Variants in ANKRD11 observed in about 807,000 individuals in gnomAD.
ANKRD11 encodes the protein ankyrin repeat domain-containing protein 11.
In ANKRD11, 17 loss-of-function variants were observed where a neutral mutation model predicts 195.7. That is an observed-to-expected ratio of 0.09 (90% CI 0.06 to 0.13). The LOEUF (loss-of-function observed/expected upper bound fraction) is 0.13. ANKRD11 is among the 10% of genes least tolerant of loss of function. The probability of loss-of-function intolerance (pLI) is 1.00; values close to 1 mark genes in which losing one functional copy is unlikely to be tolerated. For missense variants in ANKRD11, 3,735 were observed against 3,566.1 expected, an observed-to-expected ratio of 1.05 and a Z score of -1.21; for synonymous variants, 1,953 against 1,528.1, an observed-to-expected ratio of 1.28 and a Z score of -6.49.
At position 89,279,999 on chromosome 16, in the gene ANKRD11, G is replaced by T. The variant is rs766007820; in HGVS notation, c.6543C>A (p.Thr2181=). Residue 2181 remains threonine, a synonymous_variant, in exon 9 of 13, where the codon ACC becomes ACA. Transcript: ENST00000301030. This position sits in a 1 kb window ranked among gnomAD's most constrained non-coding sequence, Gnocchi z 5.6. ...GTGCCGGCGGCTCCTCAGCCACTAC[G>T]GTGGAAACATCCCCACCGTTTATGA... ...PGVINGGDVS[T]VVAEEPPALP... 1.2e-6 allele frequency: 2 copies of T among 1,612,180 alleles called. No homozygotes were observed. The highest frequency in any genetic ancestry group is 1.1e-5 in the South Asian group (1 of 91,076).
intron 4 of ANKRD11, chr16:89,300,770 C>T (rs2035803191): frequency 4.6e-6 from 3 of 649,482 alleles, no homozygotes; most frequent in African/African-American, 1.8e-5. Context: ...TGCCTGGCAG[C>T]ACTGCAGAGA....
intron 2 of ANKRD11, among the ~76,000 whole-genome samples, chr16:89,331,811 G>C (rs936604146): frequency 6.6e-6 from 1 of 152,162 alleles, no homozygotes; most frequent in African/African-American, 2.4e-5. Context: ...TTTTCATTTA[G>C]TCTAAGATAC....
rs759416890 is a variant in ANKRD11 at position 89,281,934 on chromosome 16, G to A, written c.4608C>T (p.Asp1536=). 1.4e-5 allele frequency: 23 copies of A among 1,612,800 alleles called. No homozygotes were observed. The highest frequency in any genetic ancestry group is 8.3e-5 in the Admixed American group (5 of 59,996). ...GGTCGCCCTTTTCTTTCTCTGCACC[G>A]TCCTTGAATTTCTCCTTCAGTTTGG... The part of the protein sequence containing the change: ...GDAKLKEKFK[D]GAEKEKGDPV... The change falls in exon 9 of 13, where the codon GAC becomes GAT. Residue 1536 remains aspartate (D), a synonymous_variant. Transcript: ENST00000301030. This position sits in a 1 kb window ranked among gnomAD's most constrained non-coding sequence, Gnocchi z 5.5.
intron 4 of ANKRD11, among the ~76,000 whole-genome samples, chr16:89,296,952 G>A (rs2035476865): frequency 1.3e-5 from 2 of 152,174 alleles, no homozygotes; most frequent in South Asian, 4.1e-4. Context: ...CCTCTTAGCT[G>A]GGGGGACAGT....
At chr16:89,328,108 G>A (rs774202450) in intron 2 of ANKRD11, among the ~76,000 whole-genome samples, 16 of 152,072 alleles carry the variant, frequency 1.1e-4, no homozygotes, top group Non-Finnish European at 4.4e-5. Context: ...GAAGGCACTC[G>A]ACATCCTAAG....
intron 11 of ANKRD11, chr16:89,272,882 G>A (rs1371497179): frequency 6.6e-6 from 1 of 152,170 alleles, no homozygotes; most frequent in African/African-American, 2.4e-5. Flanking sequence ...ATGATGTTAA[G>A]TGAAATAAGC....
At chr16:89,273,581 C>A (rs1025302948) in intron 11 of ANKRD11, among the ~76,000 whole-genome samples, 10 of 152,148 alleles carry the variant, frequency 6.6e-5, no homozygotes, top group African/African-American at 2.4e-4. Context: ...CCTGTGATCC[C>A]AGCTACTCGG....
intron 1 of ANKRD11, among the ~76,000 whole-genome samples, chr16:89,455,755 G>A (rs1212291662): frequency 6.6e-6 from 1 of 152,090 alleles, no homozygotes; most frequent in Non-Finnish European, 1.5e-5. Flanking sequence ...AAAGAATTGG[G>A]GCTGTACATT....
intron 1 of ANKRD11, among the ~76,000 whole-genome samples, chr16:89,424,430 A>G (rs191122864): frequency 1.5e-3 from 204 of 134,040 alleles, no homozygotes; most frequent in Admixed American, 5.9e-3. Flanking sequence ...GACAAGAGCA[A>G]AACTCTGTCT....
chr16:89,417,885 G>A (rs1284385457), intron 2 of ANKRD11, among the ~76,000 whole-genome samples: 1 of 152,186 alleles, frequency 6.6e-6, no homozygotes, highest in Non-Finnish European at 1.5e-5. Flanking sequence ...CCAGGATACA[G>A]AATCCTCACG....
chr16:89,467,581 G>C (rs1340037511), intron 1 of ANKRD11, among the ~76,000 whole-genome samples: 1 of 152,038 alleles, frequency 6.6e-6, no homozygotes, highest in Non-Finnish European at 1.5e-5. Flanking sequence ...GCCCAGGCTG[G>C]TCTTGAGCTC....
At chr16:89,431,708 C>G (rs866011203) in intron 1 of ANKRD11, among the ~76,000 whole-genome samples, 4 of 152,264 alleles carry the variant, frequency 2.6e-5, no homozygotes, top group South Asian at 4.1e-4. Context: ...CTGGCTTTAA[C>G]GACGTGCTGC....
At chr16:89,274,719 G>C (rs1401848123) in intron 11 of ANKRD11, 95 bp downstream of exon 11, 14 of 1,565,172 alleles carry the variant, frequency 8.9e-6, no homozygotes, top group Non-Finnish European at 1.2e-5. Flanking sequence ...CACCCGGGAA[G>C]CTCCTGGTCA....
At chr16:89,343,232 A>G (rs1164887901) in intron 2 of ANKRD11, among the ~76,000 whole-genome samples, 1 of 152,046 alleles carries the variant, frequency 6.6e-6, no homozygotes, top group African/African-American at 2.4e-5. Flanking sequence ...CTCAAGAGTG[A>G]TCCACCCAGC....
chr16:89,334,903 C>A (rs2038268032), intron 2 of ANKRD11, among the ~76,000 whole-genome samples: 1 of 152,108 alleles, frequency 6.6e-6, no homozygotes, highest in African/African-American at 2.4e-5. Flanking sequence ...CTGTGGCCTT[C>A]TGCATGCATG....
chr16:89,379,984 C>T (rs1238834476), intron 2 of ANKRD11, among the ~76,000 whole-genome samples: 1 of 152,222 alleles, frequency 6.6e-6, no homozygotes, highest in Non-Finnish European at 1.5e-5. Flanking sequence ...ACACTATTTT[C>T]TGCATCTCCA....
At chr16:89,447,977 G>A (rs1420306898) in intron 1 of ANKRD11, among the ~76,000 whole-genome samples, 17 of 151,764 alleles carry the variant, frequency 1.1e-4, no homozygotes, top group Admixed American at 1.1e-3. Flanking sequence ...GCTCATTTTT[G>A]TATTTTTAGT....
At position 89,279,538 on chromosome 16, in the gene ANKRD11, C is replaced by T. The variant is rs982226775; in HGVS notation, c.7004G>A (p.Arg2335His). ...KAPRVEEIPQ[R>H]MTRNRAQMLA... Reference sequence around the variant, plus strand: ...CATCTGCGCCCGGTTCCTGGTCATGCGCTGAGGGATCTCCTCCACTCGGGG... The same window carrying T: ...CATCTGCGCCCGGTTCCTGGTCATGTGCTGAGGGATCTCCTCCACTCGGGG... Residue 2335 changes from arginine to histidine, a missense_variant, in exon 9 of 13, where the codon CGC becomes CAC. Transcript: ENST00000301030. The surrounding 1 kb of genome is among the most constrained non-coding windows in gnomAD (Gnocchi z 5.6). 2 of 1,400,956 alleles carry T rather than the reference C, an allele frequency of 1.4e-6. No homozygotes were observed. Among genetic ancestry groups the T allele is most frequent in the Non-Finnish European group, 1.9e-6 (2 of 1,035,310 alleles). The allele number at this position is 1,400,956 out of a possible 1,614,324, so 86.8% of individuals were successfully genotyped here.
At chr16:89,463,683 TAAAAA>T (rs1235213947) in intron 1 of ANKRD11, among the ~76,000 whole-genome samples, 1 of 136,424 alleles carries the variant, frequency 7.3e-6, no homozygotes, top group African/African-American at 2.7e-5. Context: ...ATAAATAAAT[TAAAAA>T]AAAAAAAAGC....
Sources: gnomAD v4.1 joint callset for allele counts (sites outside exome capture counted in the v4.1 genomes callset) on GRCh38, gnomAD v4.1.1 for gene constraint, Gnocchi (gnomAD v3.1) non-coding constraint, MANE v1.5 for transcripts, NCBI Gene and HGNC (gene_info 2026-07-23, HGNC 2026-07-21) for gene names.